ZNF121: variants seen among roughly 807,000 people sequenced by gnomAD.
The protein encoded by ZNF121 is zinc finger protein 121, also known as zinc finger protein 121 (clone ZHC32).
In ZNF121, 1 loss-of-function variant was observed where a neutral mutation model predicts 2.4. The observed-to-expected ratio is 0.41, with a 90% confidence interval of 0.15 to 1.94. The LOEUF (loss-of-function observed/expected upper bound fraction) is 1.94, where lower values mean the gene tolerates loss of function less well. ZNF121 is among the 30% of genes most tolerant of loss of function. ZNF121 has a pLI of 0.30. For missense variants in ZNF121, 369 were observed against 466.3 expected (o/e 0.79, Z 1.92); for synonymous variants, 173 against 158.6 (o/e 1.09, Z -0.68).
At chr19:9,570,402 C>CG (rs1472183494) in intron 1 of ZNF121, among the ~76,000 whole-genome samples, 2 of 152,102 alleles carry the variant, frequency 1.3e-5, no homozygotes, top group African/African-American at 4.8e-5. Context: ...CCCACTCCCC[C>CG]GCCCTTTGTT....
In ZNF121 at chr19:9,560,828, T is replaced by C. The variant is rs907273863; in HGVS notation, c.*5112A>G. On this transcript the variant is annotated 3_prime_UTR_variant, in exon 4 of 4. Transcript: ENST00000320451. The stretch of plus-strand genomic sequence containing the variant: ...ATGCTTTCTTCAGTTCCTTTGGACA[T>C]GTACCTAGAAGTGGATTGCTGCTGA... 2 of 152,250 alleles carry C rather than the reference T, an allele frequency of 1.3e-5. No homozygotes were observed. The highest frequency in any genetic ancestry group is 6.5e-5 in the Admixed American group (1 of 15,286). The allele number at this position is 152,250 out of a possible 1,614,324, so 9.4% of individuals were successfully genotyped here. A position where few individuals can be genotyped will look rare whatever the true frequency, so the allele number is the denominator to read the frequency against.
chr19:9,562,441 G>C lies in ZNF121; in HGVS notation c.*3499C>G, dbSNP rs1240114931. 3.4e-6 allele frequency: 1 copy of C among 291,904 alleles called. No homozygotes were observed. The highest frequency in any genetic ancestry group is 7.7e-6 in the Non-Finnish European group (1 of 130,470). 18.1% of individuals were successfully genotyped at this position (291,904 alleles called of 1,614,324 possible). ...AGCCTCTCAAGGTGCTGGGATTACAGGTGTGAGCCACCGTGCCCGGCTGCT... is the reference window on the plus strand; with the variant it reads ...AGCCTCTCAAGGTGCTGGGATTACACGTGTGAGCCACCGTGCCCGGCTGCT... On this transcript the variant is annotated 3_prime_UTR_variant, in exon 4 of 4. Coordinates refer to ENST00000320451, the MANE Select transcript of ZNF121 (RefSeq NM_001008727.5).
Position 9,562,456 on chromosome 19 carries a change from GC to G in ZNF121, c.*3483del. On this transcript the variant is annotated 3_prime_UTR_variant, in exon 4 of 4. Transcript: ENST00000320451. ...TGGGATTACAGGTGTGAGCCACCGT[GC>G]CCGGCTGCTCTGTGATCTTTGATGT... The G allele has an allele frequency of 3.7e-6, 1 of 270,220 alleles. No individual in the cohort carries two copies. The highest frequency in any genetic ancestry group is 8.3e-6 in the Non-Finnish European group (1 of 120,648). The allele number at this position is 270,220 out of a possible 1,614,324, so 16.7% of individuals were successfully genotyped here.
Position 9,565,760 on chromosome 19 carries a change from T to G in ZNF121, c.*180A>C. ...ATTGGCTCCCTAACATTCCTAAAAT[T>G]TATAGGGGACACATAGAGTATGAGT... On this transcript the variant is annotated 3_prime_UTR_variant, in exon 4 of 4. Coordinates refer to ENST00000320451, the MANE Select transcript of ZNF121 (RefSeq NM_001008727.5). The G allele has an allele frequency of 2.6e-6, 1 of 391,850 alleles. No homozygotes were observed. Among genetic ancestry groups the G allele is most frequent in the Non-Finnish European group, 4.5e-6 (1 of 222,130 alleles). 24.3% of individuals were successfully genotyped at this position (391,850 alleles called of 1,614,324 possible).
intron 1 of ZNF121, among the ~76,000 whole-genome samples, chr19:9,583,174 G>A (rs894074287): frequency 6.6e-6 from 1 of 150,586 alleles, no homozygotes; most frequent in African/African-American, 2.4e-5. Flanking sequence ...CTGAGATCGC[G>A]CCACTGCACT....
chr19:9,580,848 A>C (rs1431442693), intron 1 of ZNF121, among the ~76,000 whole-genome samples: 2 of 152,204 alleles, frequency 1.3e-5, no homozygotes, highest in Non-Finnish European at 2.9e-5. Flanking sequence ...GTGCAGATTA[A>C]CTGTTTCTCT....
chr19:9,571,404 A>G (rs2074173283), intron 1 of ZNF121, among the ~76,000 whole-genome samples: 2 of 152,182 alleles, frequency 1.3e-5, no homozygotes. Context: ...CCACACTGAA[A>G]TCATTCATAA....
At chr19:9,573,993 T>C (rs1026457527) in intron 1 of ZNF121, among the ~76,000 whole-genome samples, 2 of 151,068 alleles carry the variant, frequency 1.3e-5, no homozygotes, top group African/African-American at 4.9e-5. Flanking sequence ...ACTACAAATG[T>C]GCACCACAAT....
chr19:9,574,109 A>C (rs2074193399), intron 1 of ZNF121, among the ~76,000 whole-genome samples: 1 of 151,304 alleles, frequency 6.6e-6, no homozygotes, highest in Non-Finnish European at 1.5e-5. Context: ...ATAGCACTTG[A>C]ACATAAATTT....
rs1348389565 is a variant in ZNF121, at chr19:9,560,486, T to C, written c.*5454A>G. ...TGCGTGGCTGACACTCAATACCCAT[T>C]GAACAACTCATTTTCTCCTCCACCA... On this transcript the variant is annotated 3_prime_UTR_variant, in exon 4 of 4. Transcript: ENST00000320451. 6.6e-6 allele frequency: 1 copy of C among 152,184 alleles called. No homozygotes were observed. Among genetic ancestry groups the C allele is most frequent in the Non-Finnish European group, 1.5e-5 (1 of 68,018 alleles). 9.4% of individuals were successfully genotyped at this position (152,184 alleles called of 1,614,324 possible).
At chr19:9,571,738 G>A (rs184149554) in intron 1 of ZNF121, among the ~76,000 whole-genome samples, 1 of 152,056 alleles carries the variant, frequency 6.6e-6, no homozygotes, top group Non-Finnish European at 1.5e-5. Flanking sequence ...CCAATGAATA[G>A]GAAGTAGAAA....
chr19:9,571,280 A>G (rs535500320), intron 1 of ZNF121, among the ~76,000 whole-genome samples: 103 of 152,318 alleles, frequency 6.8e-4, no homozygotes, highest in Non-Finnish European at 1.3e-3. Context: ...CCCATGGGCC[A>G]TAGTGTACCA....
At chr19:9,582,921 A>ATAAATAATTCTAGTATCAGTTTAAT (rs1382980789) in intron 1 of ZNF121, among the ~76,000 whole-genome samples, 1 of 152,130 alleles carries the variant, frequency 6.6e-6, no homozygotes, top group Non-Finnish European at 1.5e-5. Flanking sequence ...TCTGATTATA[A>ATAAATAATTCTAGTATCAGTTTAAT]AGCCTCCATC....
At chr19:9,582,574 C>T (rs752632912) in intron 1 of ZNF121, among the ~76,000 whole-genome samples, 2 of 152,042 alleles carry the variant, frequency 1.3e-5, no homozygotes, top group Non-Finnish European at 2.9e-5. Flanking sequence ...CTGCCTGCAC[C>T]CAGGTGATTA....
chr19:9,570,681 C>A (rs147511669), intron 1 of ZNF121, among the ~76,000 whole-genome samples: 1,587 of 152,148 alleles, frequency 0.01, 31 homozygotes, highest in African/African-American at 0.035. Flanking sequence ...ATTCTCCTGC[C>A]TGAGCCTCCC....
intron 1 of ZNF121, among the ~76,000 whole-genome samples, chr19:9,574,904 G>T (rs1043548701): frequency 6.6e-6 from 1 of 151,924 alleles, no homozygotes; most frequent in African/African-American, 2.4e-5. Flanking sequence ...CTTCTAAAAA[G>T]AAGTTATTTA....
At position 9,565,800 on chromosome 19, in the gene ZNF121, G is replaced by A. The variant is rs780336966; in HGVS notation, c.*140C>T. 17 of 591,046 alleles carry A rather than the reference G, an allele frequency of 2.9e-5. No individual in the cohort carries two copies. Among genetic ancestry groups the A allele is most frequent in the Middle Eastern group, 3.1e-4 (1 of 3,214 alleles). 36.6% of individuals were successfully genotyped at this position (591,046 alleles called of 1,614,324 possible). On this transcript the variant is annotated 3_prime_UTR_variant, in exon 4 of 4. Transcript: ENST00000320451. ...AGAGTATGAGTTCTTTCATGTCTTC[G>A]AAGTGAATGGGGATAACTGAAGGCC...
At chr19:9,578,492 A>G (rs188660143) in intron 1 of ZNF121, among the ~76,000 whole-genome samples, 1 of 152,330 alleles carries the variant, frequency 6.6e-6, no homozygotes, top group Non-Finnish European at 1.5e-5. Context: ...TGGTACTGAC[A>G]TAAAAACAAA....
intron 1 of ZNF121, chr19:9,584,088 C>T (rs2074268211): frequency 6.6e-6 from 1 of 152,194 alleles, no homozygotes; most frequent in African/African-American, 2.4e-5. Context: ...AGGAACATGC[C>T]GGAAACGCCA....
Sources: allele counts gnomAD v4.1 joint callset (sites outside exome capture counted in the v4.1 genomes callset), GRCh38; gene constraint gnomAD v4.1.1; transcripts MANE v1.5; gene names NCBI Gene and HGNC (gene_info 2026-07-23, HGNC 2026-07-21).